The following GABRA3 variants were observed in gnomAD, a reference collection of about 807,000 sequenced individuals.
GABRA3 encodes the protein gamma-aminobutyric acid type A receptor subunit alpha3.
Under a neutral mutation model 30.1 loss-of-function variants are expected in GABRA3, and 10 were observed. The ratio of observed to expected loss-of-function variants is 0.33; its 90% confidence interval spans 0.20 to 0.56. The LOEUF (loss-of-function observed/expected upper bound fraction) is 0.56, where lower values mean the gene tolerates loss of function less well. Ranked by LOEUF, GABRA3 falls within the 20% of genes least tolerant of loss-of-function variation. The probability of loss-of-function intolerance (pLI) is 0.89; values close to 1 mark genes in which losing one functional copy is unlikely to be tolerated. For missense variants in GABRA3, 233 were observed against 392.0 expected (o/e 0.59, Z 3.42); for synonymous variants, 151 against 146.8 (o/e 1.03, Z -0.21).
At chrX:152,444,244 T>C (rs1368811359) in intron 1 of GABRA3, among the ~76,000 whole-genome samples, 1 of 111,569 alleles carries the variant, frequency 9.0e-6, no homozygotes, top group East Asian at 2.8e-4. Flanking sequence ...GGACATCATA[T>C]ATTAAGAGGG....
intron 2 of GABRA3, among the ~76,000 whole-genome samples, chrX:152,354,949 C>T (rs1940527879): frequency 1.8e-5 from 2 of 111,939 alleles, no homozygotes; most frequent in South Asian, 3.8e-4. Context: ...ACTTTTCATA[C>T]TTATATTCCA....
chrX:152,444,744 T>G (rs78613624), intron 1 of GABRA3, among the ~76,000 whole-genome samples: 16,878 of 75,358 alleles, frequency 0.22, 1,865 homozygotes, highest in East Asian at 0.46. Flanking sequence ...GTTTTTTTTT[T>G]TTTGTTTTTT....
intron 1 of GABRA3, among the ~76,000 whole-genome samples, chrX:152,429,036 T>C (rs1228931247): frequency 9.0e-6 from 1 of 111,086 alleles, no homozygotes; most frequent in Non-Finnish European, 1.9e-5. Context: ...CTTGTGTCAC[T>C]GGAATAAAGC....
At chrX:152,392,823 G>T (rs1929528100) in intron 1 of GABRA3, among the ~76,000 whole-genome samples, 1 of 112,358 alleles carries the variant, frequency 8.9e-6, no homozygotes, top group Admixed American at 9.5e-5. Context: ...GGCATAGATA[G>T]ATACAGCACA....
intron 3 of GABRA3, among the ~76,000 whole-genome samples, chrX:152,328,509 G>C (rs1170262837): frequency 8.9e-6 from 1 of 111,943 alleles, no homozygotes; most frequent in East Asian, 2.8e-4. Context: ...CCACGATCAA[G>C]TTAGCTTCAT....
At chrX:152,237,119 A>C (rs1294277502) in intron 5 of GABRA3, among the ~76,000 whole-genome samples, 3 of 110,992 alleles carry the variant, frequency 2.7e-5, no homozygotes, top group African/African-American at 9.9e-5. Context: ...TAGGGTTTTT[A>C]TGGTTTTAGG....
chrX:152,406,540 C>T (rs1929940748), intron 1 of GABRA3, among the ~76,000 whole-genome samples: 1 of 101,178 alleles, frequency 9.9e-6, no homozygotes, highest in African/African-American at 3.6e-5. Context: ...GAGGATATTA[C>T]AATTTTAAAT....
chrX:152,299,567 T>C (rs1272003515), intron 3 of GABRA3, among the ~76,000 whole-genome samples: 3 of 111,699 alleles, frequency 2.7e-5, no homozygotes, highest in Non-Finnish European at 5.6e-5. Context: ...TACTATTAAT[T>C]TGGAGTGAGG....
At chrX:152,275,962 C>T (rs767072616) in intron 4 of GABRA3, among the ~76,000 whole-genome samples, 1 of 109,351 alleles carries the variant, frequency 9.1e-6, no homozygotes, top group Admixed American at 9.9e-5. Context: ...CTGTAAAATC[C>T]GATTTTTTTA....
intron 2 of GABRA3, among the ~76,000 whole-genome samples, chrX:152,352,257 T>G (rs1940489594): frequency 8.9e-6 from 1 of 111,747 alleles, no homozygotes; most frequent in Admixed American, 9.5e-5. Flanking sequence ...AAATGAGGTA[T>G]GCCTGTATTT....
At chrX:152,188,090 G>C (rs370472917) in intron 9 of GABRA3, among the ~76,000 whole-genome samples, 1 of 111,078 alleles carries the variant, frequency 9.0e-6, no homozygotes, top group Admixed American at 9.6e-5. Context: ...TGGGAAGGTG[G>C]GGGGAAGAAG....
chrX:152,336,660 A>G (rs1940239045), intron 3 of GABRA3, among the ~76,000 whole-genome samples: 1 of 111,962 alleles, frequency 8.9e-6, no homozygotes, highest in Non-Finnish European at 1.9e-5. Flanking sequence ...AGGAACAGCT[A>G]ATTAATAAAG....
At chrX:152,296,106 A>G (rs1569387460) in intron 3 of GABRA3, among the ~76,000 whole-genome samples, 1 of 112,371 alleles carries the variant, frequency 8.9e-6, no homozygotes, top group Non-Finnish European at 1.9e-5. Flanking sequence ...GCTTTGGCCA[A>G]GAGAACAAAG....
intron 1 of GABRA3, among the ~76,000 whole-genome samples, chrX:152,385,122 C>A (rs1351660683): frequency 9.0e-6 from 1 of 111,324 alleles, no homozygotes; most frequent in Non-Finnish European, 1.9e-5. Context: ...CAAAGTTTGG[C>A]AAGAATAATG....
At chrX:152,428,342 A>C (rs899420997) in intron 1 of GABRA3, among the ~76,000 whole-genome samples, 4 of 111,707 alleles carry the variant, frequency 3.6e-5, no homozygotes, top group East Asian at 2.8e-4. Flanking sequence ...CCAAAGAGCT[A>C]CTCTCAATAG....
intron 8 of GABRA3, among the ~76,000 whole-genome samples, chrX:152,190,542 A>G (rs1937311032): frequency 9.3e-6 from 1 of 107,948 alleles, no homozygotes; most frequent in South Asian, 4.0e-4. Context: ...TTTTCTGAAT[A>G]GCCCAGAACT....
chrX:152,421,098 T>TACACACAC (rs60206606), intron 1 of GABRA3, among the ~76,000 whole-genome samples: 2 of 94,987 alleles, frequency 2.1e-5, no homozygotes, highest in African/African-American at 3.8e-5. Context: ...TTACACATTA[T>TACACACAC]ACACACACAC....
At chrX:152,260,407 G>A (rs1441604864) in intron 4 of GABRA3, among the ~76,000 whole-genome samples, 3 of 110,838 alleles carry the variant, frequency 2.7e-5, no homozygotes, top group Non-Finnish European at 1.9e-5. Flanking sequence ...TAGCCAGGAA[G>A]TAGTTACAGG....
chrX:152,266,399 G>T (rs1190358430), intron 4 of GABRA3, among the ~76,000 whole-genome samples: 3 of 111,902 alleles, frequency 2.7e-5, no homozygotes, highest in African/African-American at 6.5e-5. Flanking sequence ...CATTTCAATT[G>T]ATGCTGAAAA....
Sources: gnomAD v4.1 joint callset for allele counts (sites outside exome capture counted in the v4.1 genomes callset) on GRCh38, gnomAD v4.1.1 for gene constraint, MANE v1.5 for transcripts, NCBI Gene and HGNC (gene_info 2026-07-23, HGNC 2026-07-21) for gene names.